The following TCF4 variants were observed in gnomAD, a reference collection of about 807,000 sequenced individuals.
TCF4 encodes SL3-3 enhancer factor 2.
A neutral mutation model predicts 82.1 loss-of-function variants in TCF4; 3 were observed. The observed-to-expected ratio is 0.04, with a 90% CI of 0.02 to 0.09. The LOEUF (loss-of-function observed/expected upper bound fraction) is 0.09, where lower values mean the gene tolerates loss of function less well. TCF4 is among the 10% of genes least tolerant of loss of function. The pLI, the probability that TCF4 is intolerant of heterozygous loss-of-function variation, is 1.00. For synonymous variants in TCF4, 276 were observed against 309.6 expected (o/e 0.89, Z 1.14); for missense variants, 518 against 852.7 (o/e 0.61, Z 4.89).
intron 2 of TCF4, among the ~76,000 whole-genome samples, chr18:55,594,317 C>T (rs570475330): frequency 6.6e-6 from 1 of 152,260 alleles, no homozygotes; most frequent in South Asian, 2.1e-4. Flanking sequence ...GGCCACTGTG[C>T]CCAAATGGGA....
chr18:55,369,455 T>C (rs1309104247), intron 6 of TCF4, among the ~76,000 whole-genome samples: 1 of 152,186 alleles, frequency 6.6e-6, no homozygotes, highest in African/African-American at 2.4e-5. Flanking sequence ...TACAAATGTG[T>C]CCCTTTGGCC....
chr18:55,372,712 G>C (rs973089161), intron 6 of TCF4, among the ~76,000 whole-genome samples: 1 of 152,068 alleles, frequency 6.6e-6, no homozygotes, highest in African/African-American at 2.4e-5. Context: ...GCAAGGAAAC[G>C]CTAGTAGACT....
rs2046448172 is a variant in TCF4, at chr18:55,225,294, C to A, written c.*2741G>T. 1 of 152,482 alleles carries A rather than the reference C, an allele frequency of 6.6e-6. No homozygotes were observed. Among genetic ancestry groups the A allele is most frequent in the Admixed American group, 6.6e-5 (1 of 15,266 alleles). The allele number at this position is 152,482 out of a possible 1,614,324, so 9.4% of individuals were successfully genotyped here. ...TTGCAGCTTTTACTCTGAGTGAGAA[C>A]AAAATATAAAGCACCAATTTAAAAA... On this transcript the variant is annotated 3_prime_UTR_variant, in exon 20 of 20. Coordinates refer to ENST00000354452, the MANE Select transcript of TCF4 (RefSeq NM_001083962.2).
In TCF4 at chr18:55,461,052, G is replaced by T; in HGVS notation, c.271C>A (p.Leu91Ile). The change falls in exon 5 of 20, where the codon CTC becomes ATC. Residue 91 changes from leucine (L) to isoleucine (I), a missense_variant. By Grantham distance (5) the Leu-to-Ile change is conservative (BLOSUM62 2). Transcript: ENST00000354452. ...CTGGAATTGACAAAAGGTGGAGAGA[G>T]ATTGTCATGTGACCCAAGGTCCCTG... ...TSRDLGSHDN[L>I]SPPFVNSRIQ... 6.2e-7 allele frequency: 1 copy of T among 1,613,406 alleles called. No homozygotes were observed. Among genetic ancestry groups the T allele is most frequent in the Non-Finnish European group, 8.5e-7 (1 of 1,179,546 alleles).
intron 15 of TCF4, among the ~76,000 whole-genome samples, chr18:55,249,382 A>G (rs562574148): frequency 8.7e-4 from 133 of 152,310 alleles, no homozygotes; most frequent in African/African-American, 3.2e-3. Flanking sequence ...ATCCACTTTT[A>G]TTGGTGATTT....
chr18:55,378,675 G>C (rs1186075635), intron 6 of TCF4, among the ~76,000 whole-genome samples: 1 of 152,202 alleles, frequency 6.6e-6, no homozygotes, highest in African/African-American at 2.4e-5. Context: ...TAGTGGGACA[G>C]AGCAACCGAA....
At chr18:55,451,419 TC>T (rs2095620698) in intron 5 of TCF4, among the ~76,000 whole-genome samples, 1 of 152,138 alleles carries the variant, frequency 6.6e-6, no homozygotes, top group South Asian at 2.1e-4. Context: ...TTGCCCAATG[TC>T]CCATCACCCA....
chr18:55,445,844 C>G (rs901653045), intron 5 of TCF4, among the ~76,000 whole-genome samples: 1 of 152,174 alleles, frequency 6.6e-6, no homozygotes, highest in Non-Finnish European at 1.5e-5. Context: ...TAAGATGAAG[C>G]TCAGGCATTA....
intron 5 of TCF4, chr18:55,422,289 C>T (rs550772018): frequency 1.2e-5 from 12 of 985,226 alleles, no homozygotes; most frequent in East Asian, 1.1e-4. Flanking sequence ...ACTGTTGTGG[C>T]GTGAATCTGC....
At chr18:55,513,011 T>C (rs2096844052) in intron 3 of TCF4, among the ~76,000 whole-genome samples, 1 of 152,144 alleles carries the variant, frequency 6.6e-6, no homozygotes, top group Non-Finnish European at 1.5e-5. Flanking sequence ...ACTCATGGTA[T>C]CTTACTGCTC....
intron 8 of TCF4, chr18:55,322,445 A>AC (rs2075844151): frequency 9.9e-7 from 1 of 1,008,318 alleles, no homozygotes; most frequent in Non-Finnish European, 1.2e-6. Context: ...AAAAAAAAAA[A>AC]AAAAACACCA....
chr18:55,280,891 A>AT (rs2062464760), intron 8 of TCF4, among the ~76,000 whole-genome samples: 1 of 152,178 alleles, frequency 6.6e-6, no homozygotes, highest in Non-Finnish European at 1.5e-5. Flanking sequence ...TTCACAAAGG[A>AT]TAGGTCCACA....
At chr18:55,285,665 G>C (rs1341346943) in intron 8 of TCF4, among the ~76,000 whole-genome samples, 4 of 152,158 alleles carry the variant, frequency 2.6e-5, no homozygotes, top group Non-Finnish European at 5.9e-5. Flanking sequence ...ATCACAAAAA[G>C]GTCTACCGGG....
rs144564624 is a variant in TCF4 at position 55,630,005 on chromosome 18, T to C, written c.286+1293A>G. 1.2e-3 allele frequency among the ~76,000 whole-genome samples: 186 copies of C among 152,300 alleles called. 1 individual carries two copies. The highest frequency in any genetic ancestry group is 2.3e-3 in the Non-Finnish European group (157 of 68,034). Reference sequence around the variant, plus strand: ...CATGTATCATTCGTAGGGAATTCTTTGGGGCCTTTCTAAGATTTCACTGTA... The same window carrying C: ...CATGTATCATTCGTAGGGAATTCTTCGGGGCCTTTCTAAGATTTCACTGTA... On this transcript the variant is annotated intron_variant, in intron 2 of 20. Transcript: ENST00000398339.
intron 5 of TCF4, among the ~76,000 whole-genome samples, chr18:55,413,997 G>A (rs1470730398): frequency 1.3e-5 from 2 of 152,116 alleles, no homozygotes; most frequent in Non-Finnish European, 2.9e-5. Flanking sequence ...GAGTTTAGAT[G>A]ACTAAATACC....
intron 8 of TCF4, among the ~76,000 whole-genome samples, chr18:55,308,473 G>A (rs151233909): frequency 3.3e-5 from 5 of 152,242 alleles, no homozygotes; most frequent in African/African-American, 9.6e-5. Flanking sequence ...CAGCTCTCTC[G>A]GGAGCATTCT....
chr18:55,444,983 T>C (rs1013005140), intron 5 of TCF4, among the ~76,000 whole-genome samples: 1 of 152,170 alleles, frequency 6.6e-6, no homozygotes, highest in Non-Finnish European at 1.5e-5. Flanking sequence ...ATCACTCAAA[T>C]CCATCCTCCT....
intron 3 of TCF4, among the ~76,000 whole-genome samples, chr18:55,470,925 AAC>A (rs567465878): frequency 4.3e-4 from 65 of 152,292 alleles, no homozygotes; most frequent in Middle Eastern, 3.4e-3. Flanking sequence ...TTCCTGCAAC[AAC>A]AGACACTATT....
chr18:55,385,785 G>A (rs147009378), intron 6 of TCF4, among the ~76,000 whole-genome samples: 33 of 152,254 alleles, frequency 2.2e-4, no homozygotes, highest in African/African-American at 7.0e-4. Context: ...CATCTTTTGC[G>A]AGTCAATGAA....
Sources: gnomAD v4.1 joint callset for allele counts (sites outside exome capture counted in the v4.1 genomes callset) on GRCh38, gnomAD v4.1.1 for gene constraint, MANE v1.5 for transcripts, NCBI Gene and HGNC (gene_info 2026-07-23, HGNC 2026-07-21) for gene names.